Variants in SESTD1 observed in about 807,000 individuals in gnomAD.
The protein encoded by SESTD1 is SEC14 domain and spectrin repeat-containing protein 1.
A neutral mutation model predicts 101.7 loss-of-function variants in SESTD1; 43 were observed. The ratio of observed to expected loss-of-function variants is 0.42; its 90% confidence interval spans 0.33 to 0.55. SESTD1 has a LOEUF of 0.55. Among genes scored for constraint, SESTD1 ranks in the 20% least tolerant of loss-of-function variants. The pLI is 0.07. For missense variants in SESTD1, 647 were observed against 815.1 expected, an observed-to-expected ratio of 0.79 and a Z score of 2.51; for synonymous variants, 283 against 286.8, an observed-to-expected ratio of 0.99 and a Z score of 0.13.
chr2:179,260,129 A>AT (rs1374748216), intron 1 of SESTD1, among the ~76,000 whole-genome samples: 2 of 152,146 alleles, frequency 1.3e-5, no homozygotes, highest in Non-Finnish European at 2.9e-5. Context: ...AGTTCATTAC[A>AT]TTTTTTTCAT....
intron 3 of SESTD1, among the ~76,000 whole-genome samples, chr2:179,181,918 T>C (rs1234744057): frequency 9.9e-5 from 15 of 151,640 alleles, no homozygotes; most frequent in Admixed American, 9.2e-4. Context: ...TGACTACAGG[T>C]TCTCATCATT....
At position 179,215,583 on chromosome 2, in the gene SESTD1, C is replaced by A. The variant is rs188853209; in HGVS notation, c.-25-23717G>T. 2.0e-3 allele frequency among the ~76,000 whole-genome samples: 265 copies of A among 134,668 alleles called. 60 individuals are homozygous for A. The highest frequency in any genetic ancestry group is 7.5e-3 in the African/African-American group (256 of 34,008). 88.3% of individuals were successfully genotyped at this position (134,668 alleles called of 152,430 possible). ...GGTACAAAGAGGAGCTGGTACCATT[C>A]CTTCTCAAACCAGTCCAATCAATAG... On this transcript the variant is annotated intron_variant, in intron 1 of 17. Coordinates refer to ENST00000428443, the MANE Select transcript of SESTD1 (RefSeq NM_178123.5).
chr2:179,193,334 T>A (rs144879655), intron 1 of SESTD1, among the ~76,000 whole-genome samples: 1 of 152,188 alleles, frequency 6.6e-6, no homozygotes, highest in Non-Finnish European at 1.5e-5. Flanking sequence ...CCTTGAATAT[T>A]TGCGATTTGT....
At chr2:179,227,087 T>TTA (rs2046898276) in intron 1 of SESTD1, among the ~76,000 whole-genome samples, 1 of 152,218 alleles carries the variant, frequency 6.6e-6, no homozygotes, top group Non-Finnish European at 1.5e-5. Flanking sequence ...GAGGGGCACT[T>TTA]TATAAAGCCT....
chr2:179,122,257 T>A (rs138596312), intron 12 of SESTD1, among the ~76,000 whole-genome samples: 1,604 of 151,258 alleles, frequency 0.011, 12 homozygotes, highest in Non-Finnish European at 0.015. Context: ...TAGAAAACAA[T>A]TTTCTGTTTT....
At chr2:179,195,005 C>T (rs1355156474) in intron 1 of SESTD1, among the ~76,000 whole-genome samples, 1 of 152,136 alleles carries the variant, frequency 6.6e-6, no homozygotes, top group Admixed American at 6.5e-5. Flanking sequence ...ATAAGGGGAA[C>T]AGAGCTACAG....
In SESTD1 at chr2:179,107,598, A is replaced by C. The variant is rs1559091551; in HGVS notation, c.*2301T>G. The C allele has an allele frequency of 6.6e-6, 1 of 152,170 alleles. No individual in the cohort carries two copies. Among genetic ancestry groups the C allele is most frequent in the Non-Finnish European group, 1.5e-5 (1 of 67,996 alleles). 9.4% of individuals were successfully genotyped at this position (152,170 alleles called of 1,614,324 possible). ...AAATATCTAAAGTAGTTAGTATCTAAGAATCTAAGAATAGATTCACTTGTA... is the reference window on the plus strand; with the variant it reads ...AAATATCTAAAGTAGTTAGTATCTACGAATCTAAGAATAGATTCACTTGTA... On this transcript the variant is annotated 3_prime_UTR_variant, in exon 18 of 18. Coordinates refer to ENST00000428443, the MANE Select transcript of SESTD1 (RefSeq NM_178123.5).
At chr2:179,222,668 G>A (rs1433604504) in intron 1 of SESTD1, among the ~76,000 whole-genome samples, 3 of 152,032 alleles carry the variant, frequency 2.0e-5, no homozygotes, top group Non-Finnish European at 4.4e-5. Context: ...AAAAGCTGAG[G>A]CACAGAGAAG....
intron 5 of SESTD1, among the ~76,000 whole-genome samples, chr2:179,155,792 G>A (rs1219319947): frequency 2.0e-5 from 3 of 152,102 alleles, no homozygotes; most frequent in Admixed American, 6.6e-5. Flanking sequence ...TTAGTTACAT[G>A]AGTAATTTCT....
At chr2:179,111,278 T>TATTA (rs2044500226) in intron 17 of SESTD1, among the ~76,000 whole-genome samples, 1 of 152,228 alleles carries the variant, frequency 6.6e-6, no homozygotes, top group South Asian at 2.1e-4. Flanking sequence ...CTATGAATAA[T>TATTA]ATTATTTCAA....
At chr2:179,189,065 T>C (rs7608106) in intron 2 of SESTD1, among the ~76,000 whole-genome samples, 15,697 of 152,028 alleles carry the variant, frequency 0.1, 2,651 homozygotes, top group African/African-American at 0.36. Context: ...AGGGATTCCC[T>C]CTTCTGTAAA....
intron 15 of SESTD1, 100 bp from the exon 16 acceptor site, chr2:179,115,356 A>G (rs891637151): frequency 4.9e-6 from 4 of 814,620 alleles, no homozygotes; most frequent in East Asian, 2.7e-5. Flanking sequence ...AAGTGACACT[A>G]CTAGAAATCA....
At chr2:179,239,051 G>A (rs1252873030) in intron 1 of SESTD1, among the ~76,000 whole-genome samples, 1 of 152,108 alleles carries the variant, frequency 6.6e-6, no homozygotes, top group Non-Finnish European at 1.5e-5. Context: ...CTCTGCTGTA[G>A]CAGTAAATTA....
At chr2:179,191,731 G>A in intron 2 of SESTD1, 56 bp downstream of exon 2, 1 of 1,401,062 alleles carries the variant, frequency 7.1e-7, no homozygotes, top group Non-Finnish European at 1.0e-6. Flanking sequence ...TAACAAAGAA[G>A]AAACTATTAA....
chr2:179,123,635 T>C (rs1220830657), intron 12 of SESTD1, 80 bp downstream of exon 12: 22 of 896,722 alleles, frequency 2.5e-5, no homozygotes, highest in Middle Eastern at 5.4e-4. Flanking sequence ...TCAGTGTAAG[T>C]TGACTTAATT....
intron 4 of SESTD1, among the ~76,000 whole-genome samples, chr2:179,174,812 G>T (rs2045982692): frequency 6.6e-6 from 1 of 152,004 alleles, no homozygotes; most frequent in African/African-American, 2.4e-5. Context: ...AGCCAGGTGT[G>T]GTGGCGCTCG....
At chr2:179,138,726 C>G (rs989528680) in intron 9 of SESTD1, among the ~76,000 whole-genome samples, 7 of 151,888 alleles carry the variant, frequency 4.6e-5, no homozygotes, top group East Asian at 1.9e-4. Flanking sequence ...AAAAAAACAG[C>G]TGGGCATGGT....
At chr2:179,245,942 G>A (rs1483210558) in intron 1 of SESTD1, among the ~76,000 whole-genome samples, 1 of 152,022 alleles carries the variant, frequency 6.6e-6, no homozygotes, top group African/African-American at 2.4e-5. Flanking sequence ...AAAGTAAAAG[G>A]ATGGAAAAAA....
rs1352042618 is a variant in SESTD1 at position 179,264,748 on chromosome 2, CCGCGGCCCGAGCCGCGTCCG to C, written c.-295_-276del. Reference sequence around the variant, plus strand: ...GGGTGGCCCGGCGACCTCTCGGCACCCGCGGCCCGAGCCGCGTCCGCGCGACCCCGCGCGCGCCCGGGTGA... The same window carrying C: ...GGGTGGCCCGGCGACCTCTCGGCACCCGCGACCCCGCGCGCGCCCGGGTGA... On this transcript the variant is annotated 5_prime_UTR_variant, in exon 1 of 18. Transcript: ENST00000428443. The C allele has an allele frequency of 1.3e-5, 2 of 151,476 alleles. No individual in the cohort carries two copies. Among genetic ancestry groups the C allele is most frequent in the African/African-American group, 2.4e-5 (1 of 41,206 alleles). The allele number at this position is 151,476 out of a possible 1,614,324, so 9.4% of individuals were successfully genotyped here.
Sources: gnomAD v4.1 joint callset for allele counts (sites outside exome capture counted in the v4.1 genomes callset) on GRCh38, gnomAD v4.1.1 for gene constraint, MANE v1.5 for transcripts, NCBI Gene and HGNC (gene_info 2026-07-23, HGNC 2026-07-21) for gene names.